Variants in STMN3 observed in about 807,000 individuals in gnomAD.
STMN3 encodes the protein stathmin 3, also known as stathmin-3.
A neutral mutation model predicts 23.2 loss-of-function variants in STMN3; 24 were observed. The observed-to-expected ratio is 1.03, with a 90% CI of 0.75 to 1.45. The LOEUF (loss-of-function observed/expected upper bound fraction) is 1.45. Among genes scored for constraint, STMN3 ranks in the 40% most tolerant of loss-of-function variants. The pLI, the probability that STMN3 is intolerant of heterozygous loss-of-function variation, is 0.00. For synonymous variants in STMN3, 117 were observed against 103.4 expected (o/e 1.13, Z -0.80); for missense variants, 235 against 237.6 (o/e 0.99, Z 0.07).
At position 63,653,359 on chromosome 20, in the gene STMN3, G is replaced by A; in HGVS notation, c.-14C>T. On this transcript the variant is annotated 5_prime_UTR_variant, in exon 1 of 5. Transcript: ENST00000370053. ...GGTGCTGGCCATGGTGCTGGCGGCG[G>A]TTGGGCCTGCGGAGGCTGGAGAGGC... is the stretch of plus-strand genomic sequence containing the variant. 1 of 1,544,218 alleles carries A rather than the reference G, an allele frequency of 6.5e-7. No homozygotes were observed.
rs1320228715 is a variant in STMN3, at chr20:63,652,994, C to G, written c.19+333G>C. On this transcript the variant is annotated intron_variant, in intron 1 of 4. Coordinates refer to ENST00000370053, the MANE Select transcript of STMN3 (RefSeq NM_015894.4). The surrounding 1 kb of genome is among the most constrained non-coding windows in gnomAD (Gnocchi z 5.3). ...AGGGACCCCGCCCGCACATCGCGAG[C>G]GCGCCCACCCGGTCGCGAGCCCACG... 6.6e-6 allele frequency among the ~76,000 whole-genome samples: 1 copy of G among 152,002 alleles called. No individual in the cohort carries two copies. Among genetic ancestry groups the G allele is most frequent in the Admixed American group, 6.6e-5 (1 of 15,262 alleles).
chr20:63,645,608 G>A (rs191405827), intron 1 of STMN3, among the ~76,000 whole-genome samples: 15 of 152,336 alleles, frequency 9.8e-5, no homozygotes, highest in Non-Finnish European at 1.9e-4. Context: ...TATTCAGGGC[G>A]AACCTCATTC....
chr20:63,652,416 G>T lies in STMN3; in HGVS notation c.19+911C>A. The T allele has an allele frequency of 3.6e-6, 1 of 277,910 alleles. No homozygotes were observed. The highest frequency in any genetic ancestry group is 5.5e-6 in the Non-Finnish European group (1 of 182,928). The allele number at this position is 277,910 out of a possible 1,614,324, so 17.2% of individuals were successfully genotyped here. A position where few individuals can be genotyped will look rare whatever the true frequency, so the allele number is the denominator to read the frequency against. Reference sequence around the variant, plus strand: ...AAGCGGGTTCTGCGGCCTCGCGGCGGAGCAGAGCGTTTCGGGAAGGGCGGG... The same window carrying T: ...AAGCGGGTTCTGCGGCCTCGCGGCGTAGCAGAGCGTTTCGGGAAGGGCGGG... On this transcript the variant is annotated intron_variant, in intron 1 of 4. Transcript: ENST00000370053. This position sits in a 1 kb window ranked among gnomAD's most constrained non-coding sequence, Gnocchi z 5.3.
chr20:63,649,118 T>G (rs932630819), intron 1 of STMN3, among the ~76,000 whole-genome samples: 2 of 152,150 alleles, frequency 1.3e-5, no homozygotes, highest in Non-Finnish European at 2.9e-5. Flanking sequence ...CCCCCTGGCT[T>G]GGCTTCTCCC....
intron 1 of STMN3, among the ~76,000 whole-genome samples, chr20:63,650,658 CCCACCCGGG>C (rs2089851376): frequency 8.6e-6 from 1 of 116,232 alleles, no homozygotes; most frequent in Non-Finnish European, 1.8e-5. Context: ...ACACCTGACG[CCCACCCGGG>C]TGGATGGTGC....
chr20:63,642,732 C>T (rs1393664031), intron 3 of STMN3, among the ~76,000 whole-genome samples: 4 of 152,220 alleles, frequency 2.6e-5, no homozygotes, highest in African/African-American at 9.6e-5. Context: ...TGTTACACAC[C>T]GGGTTCCCAG....
chr20:63,653,261 GCGAGGCCAGA>G, intron 1 of STMN3, 56 bp downstream of exon 1: 1 of 1,521,484 alleles, frequency 6.6e-7, no homozygotes, highest in Non-Finnish European at 8.9e-7. Context: ...GCTGCCCCAG[GCGAGGCCAGA>G]CGAGGCCTCT....
Position 63,641,368 on chromosome 20 carries a change from G to A in STMN3, c.513C>T (p.Asn171=). 1.3e-6 allele frequency: 2 copies of A among 1,570,852 alleles called. No homozygotes were observed. Among genetic ancestry groups the A allele is most frequent in the Middle Eastern group, 2.2e-4 (1 of 4,454 alleles). Residue 171 remains asparagine (N), a synonymous_variant, in exon 5 of 5, where the codon AAC becomes AAT. Coordinates refer to ENST00000370053, the MANE Select transcript of STMN3 (RefSeq NM_015894.4). ...CCGACATCTCTTCTCGCTGCTCCTT[G>A]TTCCTGCGCACCTCGGCCGCGTGCA... The part of the protein sequence containing the change: ...KELHAAEVRR[N]KEQREEMSG
intron 1 of STMN3, among the ~76,000 whole-genome samples, chr20:63,644,866 G>A (rs2089797480): frequency 2.0e-5 from 3 of 151,814 alleles, no homozygotes; most frequent in South Asian, 2.1e-4. Context: ...CGACTCTGCC[G>A]GCACCTTGAT....
chr20:63,645,604 G>A (rs991120185), intron 1 of STMN3, among the ~76,000 whole-genome samples: 3 of 152,192 alleles, frequency 2.0e-5, no homozygotes, highest in African/African-American at 7.2e-5. Flanking sequence ...GGTCTATTCA[G>A]GGCGAACCTC....
rs758456743 is a variant in STMN3, at chr20:63,644,183, A to G, written c.115+31T>C. The G allele has an allele frequency of 4.4e-6, 7 of 1,585,886 alleles. No homozygotes were observed. In the African/African-American group the frequency reaches 9.4e-5, roughly 21 times the overall value. On this transcript the variant is annotated intron_variant, in intron 2 of 4. Transcript: ENST00000370053. ...AAAAGGTGAGGTGGGCAGGCACCGC[A>G]GGGAAGGGCAGGCGGCAGCCAGGCA...
At chr20:63,648,473 C>T (rs2089835188) in intron 1 of STMN3, among the ~76,000 whole-genome samples, 1 of 152,212 alleles carries the variant, frequency 6.6e-6, no homozygotes, top group Admixed American at 6.5e-5. Flanking sequence ...CAGTGGCTCA[C>T]GCCTGTAATC....
chr20:63,641,073 G>C lies in STMN3; in HGVS notation c.*265C>G. ...CACGGTCACCGCCACCTCTCTCACAGGGCCCCCGGGGGACCCAGCCGCGCC... is the reference window on the plus strand; with the variant it reads ...CACGGTCACCGCCACCTCTCTCACACGGCCCCCGGGGGACCCAGCCGCGCC... On this transcript the variant is annotated 3_prime_UTR_variant, in exon 5 of 5. Coordinates refer to ENST00000370053, the MANE Select transcript of STMN3 (RefSeq NM_015894.4). 1.8e-6 allele frequency: 1 copy of C among 552,382 alleles called. No homozygotes were observed. Among genetic ancestry groups the C allele is most frequent in the Non-Finnish European group, 3.3e-6 (1 of 305,178 alleles). The allele number at this position is 552,382 out of a possible 1,614,324, so 34.2% of individuals were successfully genotyped here.
Position 63,641,327 on chromosome 20 carries a change from G to C in STMN3, c.*11C>G. On this transcript the variant is annotated 3_prime_UTR_variant, in exon 5 of 5. Coordinates refer to ENST00000370053, the MANE Select transcript of STMN3 (RefSeq NM_015894.4). ...TTCTGTCGCAGGATGGGCGCCGCCC[G>C]TCCCGGGCCCTTAGCCCGACATCTC... 3 of 1,561,152 alleles carry C rather than the reference G, an allele frequency of 1.9e-6. No homozygotes were observed. The highest frequency in any genetic ancestry group is 2.6e-6 in the Non-Finnish European group (3 of 1,153,422).
Position 63,647,993 on chromosome 20 carries a change from C to CACACAG in STMN3, c.20-3685_20-3684insCTGTGT, listed in dbSNP as rs199738773. ...ATATATATATATACATATATATATACAGAGAGAGAGAGAGTAGTGATAGGT... is the reference window on the plus strand; with the variant it reads ...ATATATATATATACATATATATATACACACAGAGAGAGAGAGAGAGTAGTGATAGGT... On this transcript the variant is annotated intron_variant, in intron 1 of 4. Transcript: ENST00000370053. Among the ~76,000 whole-genome samples the CACACAG allele has an allele frequency of 1.7e-4, 15 of 87,108 alleles. 1 individual carries two copies. Among genetic ancestry groups the CACACAG allele is most frequent in the Admixed American group, 3.7e-4 (3 of 8,114 alleles). The allele number at this position is 87,108 out of a possible 152,430, so 57.1% of individuals were successfully genotyped here. A position where few individuals can be genotyped will look rare whatever the true frequency, so the allele number is the denominator to read the frequency against.
At chr20:63,651,094 G>T (rs561682051) in intron 1 of STMN3, among the ~76,000 whole-genome samples, 2 of 152,034 alleles carry the variant, frequency 1.3e-5, no homozygotes, top group East Asian at 1.9e-4. Flanking sequence ...CAGATTGCTG[G>T]GATCACAGGA....
chr20:63,650,899 G>C (rs1288696200), intron 1 of STMN3, among the ~76,000 whole-genome samples: 2 of 136,212 alleles, frequency 1.5e-5, no homozygotes, highest in Non-Finnish European at 3.1e-5. Flanking sequence ...CCGGGTGGAT[G>C]CCCTTATCAG....
chr20:63,647,572 C>T (rs1374261306), intron 1 of STMN3, among the ~76,000 whole-genome samples: 6 of 145,058 alleles, frequency 4.1e-5, no homozygotes, highest in South Asian at 2.2e-4. Flanking sequence ...GCTGAGATCA[C>T]GCCACTGCAC....
chr20:63,643,746 G>C lies in STMN3; in HGVS notation c.291+10C>G. 1 of 1,527,298 alleles carries C rather than the reference G, an allele frequency of 6.5e-7. No individual in the cohort carries two copies. The highest frequency in any genetic ancestry group is 8.7e-7 in the Non-Finnish European group (1 of 1,147,324). 94.6% of individuals were successfully genotyped at this position (1,527,298 alleles called of 1,614,324 possible). On this transcript the variant is annotated intron_variant, in intron 3 of 4. Coordinates refer to ENST00000370053, the MANE Select transcript of STMN3 (RefSeq NM_015894.4). ...AACTCCTGGGGGGTGGGGGATGGAG[G>C]ACTCCTTGCCTTCCTCCGCTCCTCG...
Sources: gnomAD v4.1 joint callset for allele counts (sites outside exome capture counted in the v4.1 genomes callset) on GRCh38, gnomAD v4.1.1 for gene constraint, Gnocchi (gnomAD v3.1) non-coding constraint, MANE v1.5 for transcripts, NCBI Gene and HGNC (gene_info 2026-07-23, HGNC 2026-07-21) for gene names.